The following RAD23B variants were observed in gnomAD, a reference collection of about 807,000 sequenced individuals.
RAD23B encodes the protein lysine-specific demethylase RAD23B.
A neutral mutation model predicts 49.1 loss-of-function variants in RAD23B; 5 were observed. That is an observed-to-expected ratio of 0.10 (90% CI 0.05 to 0.21). RAD23B has a LOEUF of 0.21. Ranked by LOEUF, RAD23B falls within the 10% of genes least tolerant of loss-of-function variation. The pLI is 1.00. For synonymous variants in RAD23B, 184 were observed against 165.4 expected, an observed-to-expected ratio of 1.11 and a Z score of -0.86; for missense variants, 356 against 486.7, an observed-to-expected ratio of 0.73 and a Z score of 2.53.
chr9:107,285,063 T>C (rs1833248647), intron 1 of RAD23B: 1 of 838,356 alleles, frequency 1.2e-6, no homozygotes, highest in Admixed American at 3.5e-5. Flanking sequence ...TTTTTGGGAT[T>C]TTGGTACAAA....
At chr9:107,324,461 A>T (rs1827164547) in intron 8 of RAD23B, among the ~76,000 whole-genome samples, 1 of 152,202 alleles carries the variant, frequency 6.6e-6, no homozygotes, top group Non-Finnish European at 1.5e-5. Context: ...AAGTATTTGA[A>T]TTTTATACAG....
chr9:107,305,574 G>T (rs1442199398), intron 3 of RAD23B, among the ~76,000 whole-genome samples: 1 of 152,020 alleles, frequency 6.6e-6, no homozygotes, highest in Non-Finnish European at 1.5e-5. Context: ...TTGTTTTTTT[G>T]CTCTGTGGGA....
intron 2 of RAD23B, 148 bp downstream of exon 2, chr9:107,300,370 T>A: frequency 1.1e-6 from 1 of 945,878 alleles, no homozygotes. Context: ...TTGAATCTAA[T>A]ATTAATATTC....
At chr9:107,320,611 T>G (rs886869023) in intron 6 of RAD23B, among the ~76,000 whole-genome samples, 1 of 151,886 alleles carries the variant, frequency 6.6e-6, no homozygotes, top group African/African-American at 2.4e-5. Flanking sequence ...AGTTAAGAGA[T>G]AGGTTAAGGT....
intron 1 of RAD23B, chr9:107,284,088 C>G (rs1006767073): frequency 8.9e-6 from 9 of 1,005,772 alleles, no homozygotes; most frequent in Non-Finnish European, 1.1e-5. Context: ...GCCACTACCC[C>G]TGTGTGGACC....
chr9:107,331,419 C>A lies in RAD23B; in HGVS notation c.*1763C>A. On this transcript the variant is annotated 3_prime_UTR_variant, in exon 10 of 10. Transcript: ENST00000358015. ...TTGGGAGGCTGAGGCATGAGAATTG[C>A]TTGAACCCGGGAAGTGAAGGTTGCC... 2 of 378,064 alleles carry A rather than the reference C, an allele frequency of 5.3e-6. No individual in the cohort carries two copies. The highest frequency in any genetic ancestry group is 4.3e-5 in the Admixed American group (1 of 23,400). The allele number at this position is 378,064 out of a possible 1,614,324, so 23.4% of individuals were successfully genotyped here.
intron 1 of RAD23B, among the ~76,000 whole-genome samples, chr9:107,294,534 C>G (rs943167035): frequency 1.3e-5 from 2 of 152,182 alleles, no homozygotes; most frequent in Non-Finnish European, 2.9e-5. Context: ...CAAGAGAAAC[C>G]TTGTGCTGAG....
intron 1 of RAD23B, among the ~76,000 whole-genome samples, chr9:107,288,927 A>T (rs1833327668): frequency 6.6e-6 from 1 of 152,106 alleles, no homozygotes; most frequent in South Asian, 2.1e-4. Flanking sequence ...TGAGTTAGGC[A>T]AGTGAGTTAG....
chr9:107,284,666 A>T, intron 1 of RAD23B: 1 of 1,064,530 alleles, frequency 9.4e-7, no homozygotes, highest in Non-Finnish European at 1.2e-6. Context: ...TTTACTGCTT[A>T]TGTTCGGAAA....
intron 1 of RAD23B, chr9:107,284,719 C>G: frequency 2.7e-6 from 3 of 1,121,742 alleles, no homozygotes; most frequent in Non-Finnish European, 3.3e-6. Flanking sequence ...AAACCAGCAG[C>G]TTTCTGCCCA....
intron 8 of RAD23B, among the ~76,000 whole-genome samples, chr9:107,324,352 C>T (rs1194471305): frequency 6.6e-6 from 1 of 152,108 alleles, no homozygotes; most frequent in African/African-American, 2.4e-5. Context: ...TTTTCACAAG[C>T]TTATTACTCA....
At chr9:107,301,692 A>G (rs1157240183) in intron 2 of RAD23B, among the ~76,000 whole-genome samples, 1 of 151,516 alleles carries the variant, frequency 6.6e-6, no homozygotes, top group African/African-American at 2.4e-5. Context: ...CATGTGCCAC[A>G]ATGCCTGGCT....
rs550749115 is a variant in RAD23B at position 107,331,852 on chromosome 9, G to C, written c.*2196G>C. On this transcript the variant is annotated 3_prime_UTR_variant, in exon 10 of 10. Coordinates refer to ENST00000358015, the MANE Select transcript of RAD23B (RefSeq NM_002874.5). ...GTACCTTGTTTATCTGCTTCTTAAA[G>C]AATCAGCCGAGACACCATAAAAGAA... 3.7e-5 allele frequency: 22 copies of C among 594,696 alleles called. No homozygotes were observed. The Admixed American group carries it at 5.0e-4, about 14-fold the overall frequency. The allele number at this position is 594,696 out of a possible 1,614,324, so 36.8% of individuals were successfully genotyped here.
intron 5 of RAD23B, among the ~76,000 whole-genome samples, chr9:107,316,066 G>A (rs182988132): frequency 3.3e-5 from 5 of 151,680 alleles, no homozygotes; most frequent in East Asian, 2.0e-4. Context: ...CTGGAGTGCA[G>A]TGGCGTGATC....
In RAD23B at chr9:107,321,160, T is replaced by A. The variant is rs145687346; in HGVS notation, c.682-823T>A. On this transcript the variant is annotated intron_variant, in intron 6 of 9. Coordinates refer to ENST00000358015, the MANE Select transcript of RAD23B (RefSeq NM_002874.5). Reference sequence around the variant, plus strand: ...CTATAAACTTACAAAAGGCATCACCTAAAAACTAAATGGTTTCAATTTCTT... The same window carrying A: ...CTATAAACTTACAAAAGGCATCACCAAAAAACTAAATGGTTTCAATTTCTT... 4.4e-3 allele frequency among the ~76,000 whole-genome samples: 676 copies of A among 152,294 alleles called. 8 individuals are homozygous for A. Among genetic ancestry groups the A allele is most frequent in the African/African-American group, 0.015 (632 of 41,574 alleles).
intron 6 of RAD23B, among the ~76,000 whole-genome samples, 168 bp from the exon 7 acceptor site, chr9:107,321,815 A>C (rs1383944086): frequency 6.6e-6 from 1 of 152,216 alleles, no homozygotes; most frequent in Non-Finnish European, 1.5e-5. Context: ...TTTCTAATCT[A>C]ATTTGAATCC....
chr9:107,306,045 T>G (rs10816488), intron 3 of RAD23B, among the ~76,000 whole-genome samples: 737 of 26,744 alleles, frequency 0.028, 20 homozygotes, highest in South Asian at 0.099. Context: ...ATGATACGGT[T>G]TATATCTATA....
chr9:107,289,399 T>A (rs1450108042), intron 1 of RAD23B, among the ~76,000 whole-genome samples: 2 of 152,058 alleles, frequency 1.3e-5, no homozygotes, highest in African/African-American at 4.8e-5. Context: ...TTATCCAGGC[T>A]GGTCTCCAAC....
rs1827182949 is a variant in RAD23B at position 107,325,241 on chromosome 9, G to A, written c.1116+237G>A. 4 of 302,188 alleles carry A rather than the reference G, an allele frequency of 1.3e-5. No homozygotes were observed. In the Admixed American group the frequency reaches 2.0e-4, roughly 15 times the overall value. The allele number at this position is 302,188 out of a possible 1,614,324, so 18.7% of individuals were successfully genotyped here. A position where few individuals can be genotyped will look rare whatever the true frequency, so the allele number is the denominator to read the frequency against. On this transcript the variant is annotated intron_variant, in intron 9 of 9. Coordinates refer to ENST00000358015, the MANE Select transcript of RAD23B (RefSeq NM_002874.5). ...AGGCAGGAGAATTGCTTGGACCTGG[G>A]AGGTGGAGGTTGCTGTGAGCCGAGA...
Sources: gnomAD v4.1 joint callset for allele counts (sites outside exome capture counted in the v4.1 genomes callset) on GRCh38, gnomAD v4.1.1 for gene constraint, MANE v1.5 for transcripts, NCBI Gene and HGNC (gene_info 2026-07-23, HGNC 2026-07-21) for gene names.